The following PDE4D variants were observed in gnomAD, a reference collection of about 807,000 sequenced individuals.
PDE4D encodes 3',5'-cyclic-AMP phosphodiesterase 4D.
PDE4D carries 24 observed loss-of-function variants against 87.4 expected under a neutral mutation model. The observed-to-expected ratio is 0.27, with a 90% CI of 0.20 to 0.39. The LOEUF (loss-of-function observed/expected upper bound fraction) is 0.39, where lower values mean the gene tolerates loss of function less well. Among genes scored for constraint, PDE4D ranks in the 10% least tolerant of loss-of-function variants. The pLI, the probability that PDE4D is intolerant of heterozygous loss-of-function variation, is 1.00. For synonymous variants in PDE4D, 384 were observed against 383.2 expected, an observed-to-expected ratio of 1.00 and a Z score of -0.02; for missense variants, 714 against 1,041.0, an observed-to-expected ratio of 0.69 and a Z score of 4.32.
At chr5:59,005,460 ATTCAT>A in intron 6 of PDE4D, among the ~76,000 whole-genome samples, 1 of 152,242 alleles carries the variant, frequency 6.6e-6, no homozygotes, top group Non-Finnish European at 1.5e-5. Context: ...CCAAATTAAA[ATTCAT>A]TTCATTTTCC....
At position 59,967,613 on chromosome 5, in the gene PDE4D, G is replaced by A. The variant is rs948066753; in HGVS notation, c.272+20875C>T. On this transcript the variant is annotated intron_variant, in intron 3 of 16. Coordinates refer to the PDE4D transcript ENST00000502484. Reference sequence around the variant, plus strand: ...AAGTCAAAAAATGACAGATACTGGCGAGGCTGAAAAGGGAATGCTTATACA... The same window carrying A: ...AAGTCAAAAAATGACAGATACTGGCAAGGCTGAAAAGGGAATGCTTATACA... Among the ~76,000 whole-genome samples, 7 of 152,242 alleles carry A rather than the reference G, an allele frequency of 4.6e-5. No individual in the cohort carries two copies. The East Asian group carries it at 7.7e-4, about 17-fold the overall frequency.
chr5:59,444,623 T>C (rs572611143), intron 1 of PDE4D, among the ~76,000 whole-genome samples: 11 of 152,038 alleles, frequency 7.2e-5, no homozygotes, highest in Non-Finnish European at 1.3e-4. Context: ...CCATCCTGGC[T>C]AACACGGTGA....
At chr5:60,256,986 G>A (rs920880287) in intron 1 of PDE4D, among the ~76,000 whole-genome samples, 3 of 151,486 alleles carry the variant, frequency 2.0e-5, no homozygotes, top group Non-Finnish European at 4.4e-5. Context: ...TTAATTAGCT[G>A]GAATGTAATC....
At chr5:59,867,237 A>G (rs1287314006) in intron 1 of PDE4D, among the ~76,000 whole-genome samples, 3 of 152,186 alleles carry the variant, frequency 2.0e-5, no homozygotes, top group African/African-American at 7.2e-5. Context: ...AGTCACTTCT[A>G]TGACCTGGCA....
intron 1 of PDE4D, among the ~76,000 whole-genome samples, chr5:59,771,852 G>T (rs1763621347): frequency 6.6e-6 from 1 of 152,146 alleles, no homozygotes; most frequent in Admixed American, 6.5e-5. Flanking sequence ...GTATGTTAAA[G>T]GATTTCAGTG....
intron 1 of PDE4D, among the ~76,000 whole-genome samples, chr5:60,187,193 G>A (rs1335211863): frequency 6.6e-6 from 1 of 152,182 alleles, no homozygotes; most frequent in Non-Finnish European, 1.5e-5. Flanking sequence ...TTCTCTGAGT[G>A]TGTATGGATT....
intron 1 of PDE4D, among the ~76,000 whole-genome samples, chr5:60,252,151 T>C (rs1349827440): frequency 6.6e-6 from 1 of 151,956 alleles, no homozygotes; most frequent in East Asian, 1.9e-4. Context: ...CTACAATGTT[T>C]GCACAATGAC....
At chr5:60,272,666 T>C (rs970069314) in intron 1 of PDE4D, among the ~76,000 whole-genome samples, 10 of 152,150 alleles carry the variant, frequency 6.6e-5, no homozygotes, top group African/African-American at 2.4e-4. Flanking sequence ...GAACGTGGAA[T>C]TGTATCAGTT....
chr5:59,232,831 C>T (rs28862729), intron 1 of PDE4D, among the ~76,000 whole-genome samples: 48,452 of 150,182 alleles, frequency 0.32, 8,286 homozygotes, highest in Admixed American at 0.41. Flanking sequence ...TATATATACA[C>T]ACACACATAC....
chr5:59,777,056 T>C (rs1222701136), intron 1 of PDE4D, among the ~76,000 whole-genome samples: 1 of 152,174 alleles, frequency 6.6e-6, no homozygotes, highest in African/African-American at 2.4e-5. Flanking sequence ...AACCCTTAAC[T>C]CGACTTTCCA....
intron 6 of PDE4D, among the ~76,000 whole-genome samples, chr5:59,033,509 A>G (rs1757958602): frequency 6.6e-6 from 1 of 152,160 alleles, no homozygotes; most frequent in African/African-American, 2.4e-5. Flanking sequence ...GAGAAAACCA[A>G]ACCCTACATA....
At chr5:60,317,710 AG>A (rs1755770439) in intron 1 of PDE4D, among the ~76,000 whole-genome samples, 1 of 152,208 alleles carries the variant, frequency 6.6e-6, no homozygotes, top group African/African-American at 2.4e-5. Flanking sequence ...TTGGTTTCAA[AG>A]AACATCTTTA....
intron 4 of PDE4D, among the ~76,000 whole-genome samples, chr5:59,181,543 GATATATATATATATATAT>G (rs3061466): frequency 7.6e-5 from 9 of 118,944 alleles, no homozygotes; most frequent in African/African-American, 3.4e-4. Context: ...AAAGATGTCT[GATATATATATATATATAT>G]ATATATATAT....
chr5:60,119,290 C>G (rs1486402176), intron 2 of PDE4D, among the ~76,000 whole-genome samples: 4 of 152,138 alleles, frequency 2.6e-5, no homozygotes, highest in Non-Finnish European at 5.9e-5. Context: ...TACAATTTGA[C>G]TGAACACCTA....
chr5:59,663,859 A>C, intron 1 of PDE4D, among the ~76,000 whole-genome samples: 1 of 152,216 alleles, frequency 6.6e-6, no homozygotes, highest in East Asian at 1.9e-4. Context: ...AAAGGTTAAC[A>C]GAATAACATA....
intron 3 of PDE4D, among the ~76,000 whole-genome samples, chr5:59,937,343 A>G (rs1431709371): frequency 6.6e-6 from 1 of 152,218 alleles, no homozygotes; most frequent in Non-Finnish European, 1.5e-5. Context: ...AAATCCTTGT[A>G]AACACACTAT....
In PDE4D at chr5:60,284,179, C is replaced by T. The variant is rs115593467; in HGVS notation, c.-89-98492G>A. Among the ~76,000 whole-genome samples the T allele has an allele frequency of 3.2e-3, 494 of 152,208 alleles. 4 individuals are homozygous for T. The highest frequency in any genetic ancestry group is 0.011 in the African/African-American group (465 of 41,532). ...ATTTTTACACCTATTTAGCACTCAC[C>T]TTGTTTTAGGTAACTATGCCTGGTA... On this transcript the variant is annotated intron_variant, in intron 1 of 16. Coordinates refer to the PDE4D transcript ENST00000502484.
At chr5:60,034,744 C>A (rs2152862420) in intron 2 of PDE4D, among the ~76,000 whole-genome samples, 1 of 152,322 alleles carries the variant, frequency 6.6e-6, no homozygotes, top group South Asian at 2.1e-4. Context: ...TTATTCGTTA[C>A]ACTAGGTACT....
chr5:60,271,966 G>T (rs548638670), intron 1 of PDE4D, among the ~76,000 whole-genome samples: 9 of 152,246 alleles, frequency 5.9e-5, no homozygotes, highest in Admixed American at 2.6e-4. Context: ...AGAAGAAATG[G>T]ATTCTAGAGC....
Sources: allele counts gnomAD v4.1 joint callset (sites outside exome capture counted in the v4.1 genomes callset), GRCh38; gene constraint gnomAD v4.1.1; transcripts MANE v1.5; gene names NCBI Gene and HGNC (gene_info 2026-07-23, HGNC 2026-07-21).